Variants in FAM227B observed in about 807,000 individuals in gnomAD.
FAM227B encodes the protein protein FAM227B.
A neutral mutation model predicts 73.8 loss-of-function variants in FAM227B; 88 were observed. The ratio of observed to expected loss-of-function variants is 1.19; its 90% confidence interval spans 1.00 to 1.42. The LOEUF (loss-of-function observed/expected upper bound fraction) is 1.42, where lower values mean the gene tolerates loss of function less well. Among genes scored for constraint, FAM227B ranks in the 40% most tolerant of loss-of-function variants. The pLI is 0.00. For synonymous variants in FAM227B, 210 were observed against 190.5 expected, an observed-to-expected ratio of 1.10 and a Z score of -0.84; for missense variants, 632 against 590.9, an observed-to-expected ratio of 1.07 and a Z score of -0.72.
intron 3 of FAM227B, among the ~76,000 whole-genome samples, chr15:49,604,853 T>C (rs1255915176): frequency 6.6e-6 from 1 of 151,996 alleles, no homozygotes; most frequent in Non-Finnish European, 1.5e-5. Context: ...AATTTTTTGG[T>C]TTAATCATTA....
At position 49,489,927 on chromosome 15, in the gene FAM227B, CAGAGAG is replaced by C. The variant is rs34009538; in HGVS notation, c.1012+18278_1012+18283del. Among the ~76,000 whole-genome samples, 2 of 72,692 alleles carry C rather than the reference CAGAGAG, an allele frequency of 2.8e-5. 1 individual carries two copies. Among genetic ancestry groups the C allele is most frequent in the South Asian group, 1.0e-3 (2 of 1,940 alleles). The allele number at this position is 72,692 out of a possible 152,430, so 47.7% of individuals were successfully genotyped here. ...AGAGAGAGAGAGACAGAGAGAGAGACAGAGAGAGAGAGAGAGAGACACCTAGGCCCC... is the reference window on the plus strand; with the variant it reads ...AGAGAGAGAGAGACAGAGAGAGAGACAGAGAGAGAGAGACACCTAGGCCCC... On this transcript the variant is annotated intron_variant, in intron 11 of 15. Transcript: ENST00000299338.
chr15:49,605,835 T>C lies in FAM227B; in HGVS notation c.105+5380A>G, dbSNP rs78695220. Among the ~76,000 whole-genome samples the C allele has an allele frequency of 8.1e-3, 1,234 of 152,082 alleles. 21 individuals are homozygous for C. Among genetic ancestry groups the C allele is most frequent in the African/African-American group, 0.029 (1,197 of 41,486 alleles). On this transcript the variant is annotated intron_variant, in intron 3 of 15. Coordinates refer to ENST00000299338, the MANE Select transcript of FAM227B (RefSeq NM_152647.3). ...CAAGGGGCTGGCATGGAGCTGGAGTTTGAGTCTGAGAGGGATAGCCTGGGG... is the reference window on the plus strand; with the variant it reads ...CAAGGGGCTGGCATGGAGCTGGAGTCTGAGTCTGAGAGGGATAGCCTGGGG...
intron 10 of FAM227B, among the ~76,000 whole-genome samples, chr15:49,532,161 G>A (rs1400316816): frequency 6.6e-6 from 1 of 151,046 alleles, no homozygotes; most frequent in Non-Finnish European, 1.5e-5. Context: ...TTTTTGAATG[G>A]CTTGGGAGCA....
intron 2 of FAM227B, among the ~76,000 whole-genome samples, chr15:49,613,628 G>A (rs897253868): frequency 2.0e-5 from 3 of 152,070 alleles, no homozygotes; most frequent in South Asian, 4.1e-4. Flanking sequence ...GAGTATAATT[G>A]GAATGTCTAC....
intron 1 of FAM227B, among the ~76,000 whole-genome samples, chr15:49,618,074 A>T (rs2078412828): frequency 6.6e-6 from 1 of 152,104 alleles, no homozygotes; most frequent in Non-Finnish European, 1.5e-5. Context: ...CAGACAATCC[A>T]GGGTAATTTA....
intron 11 of FAM227B, among the ~76,000 whole-genome samples, chr15:49,494,044 G>A (rs2057368425): frequency 1.3e-5 from 2 of 151,656 alleles, no homozygotes; most frequent in South Asian, 4.2e-4. Flanking sequence ...TGAGCCTTTG[G>A]AACCACTAAG....
intron 11 of FAM227B, among the ~76,000 whole-genome samples, chr15:49,402,425 TC>T: frequency 6.6e-6 from 1 of 152,226 alleles, no homozygotes; most frequent in East Asian, 1.9e-4. Flanking sequence ...GGAAGGTTTT[TC>T]CATTTGTTTG....
chr15:49,335,497 G>A lies in FAM227B; in HGVS notation c.1272-1C>T, dbSNP rs755367296. ...ATCACGGTATGTTGGAGCAGGTAGT[G>A]TGCTAGGCTTATTATTAAGGAATGA... On this transcript the variant is annotated splice_acceptor_variant, in intron 13 of 15. Coordinates refer to ENST00000299338, the MANE Select transcript of FAM227B (RefSeq NM_152647.3). LOFTEE classifies it high-confidence loss of function. 7 of 1,610,208 alleles carry A rather than the reference G, an allele frequency of 4.3e-6. No homozygotes were observed. In the East Asian group the frequency reaches 6.7e-5, roughly 15 times the overall value.
In FAM227B at chr15:49,616,436, G is replaced by A. The variant is rs1454957763; in HGVS notation, c.-72-1193C>T. Among the ~76,000 whole-genome samples the A allele has an allele frequency of 2.0e-5, 3 of 152,236 alleles. No homozygotes were observed. In the East Asian group the frequency reaches 5.8e-4, roughly 29 times the overall value. ...AGCAGCAATAAGAAACTAATATGAG[G>A]AGAAAGAGTGATTTTTTTTTTTAGC... On this transcript the variant is annotated intron_variant, in intron 1 of 15. Transcript: ENST00000299338.
chr15:49,449,020 A>G (rs535280620), intron 11 of FAM227B, among the ~76,000 whole-genome samples: 80 of 152,046 alleles, frequency 5.3e-4, no homozygotes, highest in African/African-American at 1.9e-3. Context: ...AGGAGAAATA[A>G]CATTCTTTTC....
intron 11 of FAM227B, among the ~76,000 whole-genome samples, chr15:49,391,700 C>T (rs1205297165): frequency 6.6e-6 from 1 of 152,060 alleles, no homozygotes; most frequent in Non-Finnish European, 1.5e-5. Flanking sequence ...TCTCTGAATC[C>T]ACCTATGACC....
intron 11 of FAM227B, among the ~76,000 whole-genome samples, chr15:49,401,849 T>A (rs1365719228): frequency 9.9e-6 from 1 of 101,126 alleles, no homozygotes; most frequent in Admixed American, 1.2e-4. Flanking sequence ...TGGGGACTGT[T>A]GTGGGGTGGG....
chr15:49,461,308 C>T (rs985839650), intron 11 of FAM227B, among the ~76,000 whole-genome samples: 1 of 152,092 alleles, frequency 6.6e-6, no homozygotes, highest in African/African-American at 2.4e-5. Flanking sequence ...TTTGTATTCC[C>T]TGTAAAAATC....
chr15:49,336,126 G>A (rs1172128801), intron 13 of FAM227B, among the ~76,000 whole-genome samples: 1 of 152,198 alleles, frequency 6.6e-6, no homozygotes. Context: ...TACATATACT[G>A]AGAACCTTAA....
intron 11 of FAM227B, among the ~76,000 whole-genome samples, chr15:49,480,210 C>A (rs1567361085): frequency 6.6e-6 from 1 of 152,144 alleles, no homozygotes; most frequent in Non-Finnish European, 1.5e-5. Flanking sequence ...CTATTCTCAT[C>A]TCAGTTAAAC....
At chr15:49,369,511 G>C (rs1036066216) in intron 12 of FAM227B, among the ~76,000 whole-genome samples, 1 of 152,098 alleles carries the variant, frequency 6.6e-6, no homozygotes, top group Admixed American at 6.5e-5. Context: ...GAAATAGAAA[G>C]TCCAAGGGGT....
intron 13 of FAM227B, among the ~76,000 whole-genome samples, chr15:49,351,218 CAAATA>C (rs2042199266): frequency 6.6e-6 from 1 of 152,136 alleles, no homozygotes; most frequent in Non-Finnish European, 1.5e-5. Context: ...TGCTTCTATA[CAAATA>C]AAATATTTTC....
Position 49,546,329 on chromosome 15 carries a change from G to A in FAM227B, c.748-4523C>T, listed in dbSNP as rs180931476. ...CTCCATAGTATTCCATGGTGTATAT[G>A]TGCCACATTTTCTTAATCCAGTCTA... On this transcript the variant is annotated intron_variant, in intron 9 of 15. Transcript: ENST00000299338. 4.7e-3 allele frequency among the ~76,000 whole-genome samples: 714 copies of A among 152,264 alleles called. 8 individuals are homozygous for A. Among genetic ancestry groups the A allele is most frequent in the African/African-American group, 0.016 (675 of 41,540 alleles).
chr15:49,575,007 A>G lies in FAM227B; in HGVS notation c.645+4T>C, dbSNP rs749164123. On this transcript the variant is annotated splice_donor_region_variant and intron_variant, in intron 8 of 15. Transcript: ENST00000299338. ...AAAAAATAAATTTTTAAAAATCACT[A>G]TACCCTAAATTTATGGAGAAACCAC... is the stretch of plus-strand genomic sequence containing the variant. 6 of 1,532,830 alleles carry G rather than the reference A, an allele frequency of 3.9e-6. No individual in the cohort carries two copies. Among genetic ancestry groups the G allele is most frequent in the Admixed American group, 1.9e-5 (1 of 52,030 alleles). The allele number at this position is 1,532,830 out of a possible 1,614,324, so 95.0% of individuals were successfully genotyped here. A position where few individuals can be genotyped will look rare whatever the true frequency, so the allele number is the denominator to read the frequency against.
Sources: allele counts gnomAD v4.1 joint callset (sites outside exome capture counted in the v4.1 genomes callset), GRCh38; gene constraint gnomAD v4.1.1; transcripts MANE v1.5; gene names NCBI Gene and HGNC (gene_info 2026-07-23, HGNC 2026-07-21).